The following LCTL variants were observed in gnomAD, a reference collection of about 807,000 sequenced individuals.
LCTL encodes the protein lactase-like protein.
In LCTL, 76 loss-of-function variants were observed where a neutral mutation model predicts 75.8. The ratio of observed to expected loss-of-function variants is 1.00; its 90% CI spans 0.83 to 1.21. The LOEUF (loss-of-function observed/expected upper bound fraction) is 1.21. LCTL is among the 50% of genes most tolerant of loss of function. The pLI, the probability that LCTL is intolerant of heterozygous loss-of-function variation, is 0.00. For missense variants in LCTL, 670 were observed against 712.4 expected (o/e 0.94, Z 0.68); for synonymous variants, 271 against 268.8 (o/e 1.01, Z -0.08).
chr15:66,553,616 G>A lies in LCTL; in HGVS notation c.923-358C>T, dbSNP rs942120508. ...TAAAAATACAAAAAATTAGCCGGGC[G>A]TGGTGGCAGCCGCCTGTAGTCCCAG... On this transcript the variant is annotated intron_variant, in intron 8 of 12. Transcript: ENST00000341509. Among the ~76,000 whole-genome samples, 5 of 152,132 alleles carry A rather than the reference G, an allele frequency of 3.3e-5. No homozygotes were observed. The South Asian group carries it at 6.2e-4, about 19-fold the overall frequency.
intron 8 of LCTL, among the ~76,000 whole-genome samples, chr15:66,553,754 CAAA>C (rs35718768): frequency 5.5e-5 from 4 of 73,064 alleles, no homozygotes; most frequent in South Asian, 4.8e-4. Flanking sequence ...GACTCCATCT[CAAA>C]AAAAAAAAAA....
At chr15:66,548,574 C>T (rs764784200) in exon 13 of LCTL, 14 of 1,612,024 alleles carry the variant, frequency 8.7e-6, no homozygotes, top group Non-Finnish European at 1.1e-5. Context: ...CCACGATCTC[C>T]GTAACCATTT....
At chr15:66,551,815 C>T in exon 11 of LCTL, 6 of 1,613,940 alleles carry the variant, frequency 3.7e-6, no homozygotes, top group Non-Finnish European at 5.1e-6. Flanking sequence ...ACTTATCCAA[C>T]AGAGACCAGG....
intron 4 of LCTL, among the ~76,000 whole-genome samples, chr15:66,562,667 C>G (rs1011950891): frequency 4.0e-5 from 6 of 151,336 alleles, no homozygotes; most frequent in African/African-American, 1.5e-4. Flanking sequence ...TCACTGCAAT[C>G]TTTGCTTCCC....
chr15:66,563,427 C>A, intron 4 of LCTL, 89 bp downstream of exon 5: 2 of 779,990 alleles, frequency 2.6e-6, no homozygotes, highest in Non-Finnish European at 4.4e-6. Flanking sequence ...CTAGTCTCTG[C>A]TCCACCTTGG....
At chr15:66,564,566 A>T (rs1895972980) in intron 2 of LCTL, 110 bp downstream of exon 3, 1 of 1,264,202 alleles carries the variant, frequency 7.9e-7, no homozygotes, top group Middle Eastern at 1.9e-4. Context: ...CATGGGGATG[A>T]CATTGTCATC....
At chr15:66,551,796 C>T (rs370655423) in exon 11 of LCTL, 14 of 1,613,768 alleles carry the variant, frequency 8.7e-6, no homozygotes, top group Non-Finnish European at 1.2e-5. Flanking sequence ...TATCCTTTCT[C>T]CCATTCAAAC....
Position 66,551,806 on chromosome 15 carries a change from C to T in LCTL, c.1380G>A (p.Lys460=), listed in dbSNP as rs185055137. The T allele has an allele frequency of 1.4e-4, 219 of 1,613,984 alleles. 1 individual carries two copies. The East Asian group carries it at 4.7e-3, about 34-fold the overall frequency. Residue 460 remains lysine (K), a synonymous_variant, in exon 11 of 13, where the codon AAG becomes AAA. Transcript: ENST00000341509. ...CTGAGTATCCTTTCTCCCATTCAAA[C>T]TTATCCAACAGAGACCAGGAAGTAT...
At position 66,564,849 on chromosome 15, in the gene LCTL, G is replaced by A. The variant is rs762692694; in HGVS notation, c.119-10C>T. On this transcript the variant is annotated splice_polypyrimidine_tract_variant and intron_variant, in intron 1 of 12. Coordinates refer to ENST00000341509, the Ensembl canonical transcript of LCTL. ...ACGCCCCAGGAGAAGCCTGCAGGGG[G>A]AGACCCGTGCTGGGTCCCAGGTGCT... is the stretch of plus-strand genomic sequence containing the variant. The A allele has an allele frequency of 3.7e-6, 6 of 1,608,372 alleles. No individual in the cohort carries two copies. Among genetic ancestry groups the A allele is most frequent in the Non-Finnish European group, 5.1e-6 (6 of 1,179,282 alleles).
intron 8 of LCTL, among the ~76,000 whole-genome samples, chr15:66,554,252 C>G (rs1403877237): frequency 6.9e-6 from 1 of 145,336 alleles, no homozygotes; most frequent in Non-Finnish European, 1.5e-5. Context: ...GATCACGCCA[C>G]TGCACTCCAG....
upstream of LCTL, chr15:66,565,818 T>C (rs992985732): frequency 6.3e-6 from 1 of 159,728 alleles, no homozygotes; most frequent in African/African-American, 2.4e-5. Flanking sequence ...GACCCCTCGC[T>C]CTGGAATCCC....
At chr15:66,561,677 G>A (rs937480715) in intron 4 of LCTL, among the ~76,000 whole-genome samples, 1 of 152,164 alleles carries the variant, frequency 6.6e-6, no homozygotes, top group African/African-American at 2.4e-5. Flanking sequence ...TGCCCATGAC[G>A]GCAGAATTCT....
At chr15:66,558,214 T>A (rs1895789510) in intron 6 of LCTL, among the ~76,000 whole-genome samples, 178 bp from the exon 8 acceptor site, 1 of 152,244 alleles carries the variant, frequency 6.6e-6, no homozygotes, top group Admixed American at 6.5e-5. Flanking sequence ...TTTCTTTATA[T>A]TGTAAATGAA....
At chr15:66,558,687 G>GTTTT (rs11354993) in intron 6 of LCTL, among the ~76,000 whole-genome samples, 10 of 97,550 alleles carry the variant, frequency 1.0e-4, no homozygotes, top group African/African-American at 1.6e-4. Flanking sequence ...GTGTGTGTGT[G>GTTTT]TTTTTTTTTT....
intron 8 of LCTL, 77 bp downstream of exon 9, chr15:66,557,645 C>T: frequency 1.4e-6 from 2 of 1,462,318 alleles, no homozygotes; most frequent in Admixed American, 1.8e-5. Flanking sequence ...GCTCTTCATC[C>T]CCCTGCCTTT....
chr15:66,556,568 G>A (rs1010762666), intron 8 of LCTL, among the ~76,000 whole-genome samples: 8 of 152,292 alleles, frequency 5.3e-5, no homozygotes, highest in African/African-American at 1.9e-4. Context: ...GCCTCCCAAA[G>A]TGCTGGGATT....
chr15:66,551,680 C>A (rs750814315), exon 11 of LCTL: 2 of 1,613,908 alleles, frequency 1.2e-6, no homozygotes, highest in African/African-American at 1.3e-5. Context: ...GATTGGGAAA[C>A]CCATTGGCAA....
exon 9 of LCTL, chr15:66,553,005 C>T (rs1567058590): frequency 1.4e-6 from 2 of 1,473,862 alleles, no homozygotes; most frequent in Non-Finnish European, 1.8e-6. Context: ...TAAGGAGCCT[C>T]CTAAATCCCC....
chr15:66,560,185 T>A (rs986246465), intron 6 of LCTL, among the ~76,000 whole-genome samples: 4 of 152,156 alleles, frequency 2.6e-5, no homozygotes, highest in African/African-American at 9.7e-5. Context: ...CTCCCTGATA[T>A]GAGTTTGGGG....
Sources: allele counts gnomAD v4.1 joint callset (sites outside exome capture counted in the v4.1 genomes callset), GRCh38; gene constraint gnomAD v4.1.1; transcripts MANE v1.5; gene names NCBI Gene and HGNC (gene_info 2026-07-23, HGNC 2026-07-21).